Variants in PHF3 observed in about 807,000 individuals in gnomAD.
The protein encoded by PHF3 is PHD finger protein 3.
In PHF3, 41 loss-of-function variants were observed where a neutral mutation model predicts 178.4. The ratio of observed to expected loss-of-function variants is 0.23; its 90% CI spans 0.18 to 0.30. PHF3 has a LOEUF of 0.30. Ranked by LOEUF, PHF3 falls within the 10% of genes least tolerant of loss-of-function variation. The probability of loss-of-function intolerance (pLI) is 1.00; values close to 1 mark genes in which losing one functional copy is unlikely to be tolerated. For missense variants in PHF3, 2,346 were observed against 2,398.1 expected (o/e 0.98, Z 0.45); for synonymous variants, 842 against 800.5 (o/e 1.05, Z -0.88).
rs558313914 is a variant in PHF3 at position 63,713,901 on chromosome 6, C to T, written c.*193C>T. The T allele has an allele frequency of 1.6e-5, 7 of 429,782 alleles. No individual in the cohort carries two copies. Among genetic ancestry groups the T allele is most frequent in the South Asian group, 8.4e-5 (1 of 11,862 alleles). 26.6% of individuals were successfully genotyped at this position (429,782 alleles called of 1,614,324 possible). ...GCTCATCATCCCTTCTTCATACCAA[C>T]GGTCCCTAGTTATAGGAATTTAATA... On this transcript the variant is annotated 3_prime_UTR_variant, in exon 16 of 16. Coordinates refer to ENST00000262043, the MANE Select transcript of PHF3 (RefSeq NM_001370348.2).
Position 63,725,144 on chromosome 6 carries a change from A to G in PHF3, c.*11436A>G, listed in dbSNP as rs1768562376. Among the ~76,000 whole-genome samples, 1 of 152,142 alleles carries G rather than the reference A, an allele frequency of 6.6e-6. No individual in the cohort carries two copies. Among genetic ancestry groups the G allele is most frequent in the Admixed American group, 6.5e-5 (1 of 15,278 alleles). On this transcript the variant is annotated 3_prime_UTR_variant, in exon 16 of 16. Transcript: ENST00000262043. ...AAAAATTTTCATGATTTTCTTATATAAGTGTCAAATGCAGCATCAATCGTG... is the reference window on the plus strand; with the variant it reads ...AAAAATTTTCATGATTTTCTTATATGAGTGTCAAATGCAGCATCAATCGTG...
chr6:63,688,471 G>A (rs1766848054), intron 4 of PHF3, among the ~76,000 whole-genome samples: 1 of 149,350 alleles, frequency 6.7e-6, no homozygotes, highest in African/African-American at 2.5e-5. Flanking sequence ...AAGTAGCTGG[G>A]ATTACGGGCA....
chr6:63,723,485 A>G lies in PHF3; in HGVS notation c.*9777A>G, dbSNP rs917279908. On this transcript the variant is annotated 3_prime_UTR_variant, in exon 16 of 16. Coordinates refer to ENST00000262043, the MANE Select transcript of PHF3 (RefSeq NM_001370348.2). Reference sequence around the variant, plus strand: ...TTGTGTTGTAGAGTGTTCCTGTAGTAAACAATTTTATAGTGAAGAGCTACA... The same window carrying G: ...TTGTGTTGTAGAGTGTTCCTGTAGTGAACAATTTTATAGTGAAGAGCTACA... Among the ~76,000 whole-genome samples the G allele has an allele frequency of 3.9e-5, 6 of 152,260 alleles. No homozygotes were observed. The South Asian group carries it at 6.2e-4, about 16-fold the overall frequency.
At chr6:63,695,344 G>A (rs982677688) in intron 6 of PHF3, among the ~76,000 whole-genome samples, 3 of 152,102 alleles carry the variant, frequency 2.0e-5, no homozygotes, top group Non-Finnish European at 4.4e-5. Flanking sequence ...ATTATTGCTC[G>A]TACCCTATTT....
Position 63,685,679 on chromosome 6 carries a change from G to A in PHF3, c.1957G>A (p.Glu653Lys), listed in dbSNP as rs1561965866. Residue 653 changes from glutamate to lysine, a missense_variant, in exon 4 of 16, where the codon GAG becomes AAG. Physicochemically the swap from Glu to Lys is moderately conservative, Grantham distance 56 (BLOSUM62 1). This residue lies in a region of PHF3 where 843 missense variants were observed against 795.2 expected (regional missense o/e 1.06). Coordinates refer to ENST00000262043, the MANE Select transcript of PHF3 (RefSeq NM_001370348.2). ...GGAAGAGCTTGAACACCCAGGCGTT[G>A]AGCATTTTAAGGAAGAGGATAAACT... ...VKEELEHPGV[E>K]HFKEEDKLKL... is the part of the protein sequence containing the mutation. The A allele has an allele frequency of 6.2e-7, 1 of 1,614,078 alleles. No individual in the cohort carries two copies.
chr6:63,650,827 A>C (rs1272656289), intron 2 of PHF3, among the ~76,000 whole-genome samples: 1 of 152,154 alleles, frequency 6.6e-6, no homozygotes, highest in Non-Finnish European at 1.5e-5. Context: ...ACAGCATTTC[A>C]ATCAGACAGT....
At chr6:63,646,168 G>A (rs1303855194) in intron 1 of PHF3, among the ~76,000 whole-genome samples, 1 of 152,060 alleles carries the variant, frequency 6.6e-6, no homozygotes, top group Non-Finnish European at 1.5e-5. Context: ...TTGTGAAAAG[G>A]TTGTGGTTAA....
Position 63,716,921 on chromosome 6 carries a change from C to A in PHF3, c.*3213C>A, listed in dbSNP as rs1768207354. On this transcript the variant is annotated 3_prime_UTR_variant, in exon 16 of 16. Transcript: ENST00000262043. ...TGAGCAACTTAAATTCCATCTGTGA[C>A]CTTAATTCCCTATTCCCATGTAACC... is the stretch of plus-strand genomic sequence containing the variant. Among the ~76,000 whole-genome samples the A allele has an allele frequency of 6.6e-6, 1 of 151,994 alleles. No individual in the cohort carries two copies. Among genetic ancestry groups the A allele is most frequent in the Non-Finnish European group, 1.5e-5 (1 of 67,966 alleles).
rs1278579318 is a variant in PHF3 at position 63,685,640 on chromosome 6, A to G, written c.1918A>G (p.Asn640Asp). 1.2e-6 allele frequency: 2 copies of G among 1,614,012 alleles called. No homozygotes were observed. Among genetic ancestry groups the G allele is most frequent in the Admixed American group, 1.7e-5 (1 of 59,996 alleles). Residue 640 changes from asparagine to aspartate, a missense_variant, in exon 4 of 16, where the codon AAT becomes GAT. Asn to Asp is a conservative substitution (Grantham distance 23, BLOSUM62 1). Coordinates refer to ENST00000262043, the MANE Select transcript of PHF3 (RefSeq NM_001370348.2). ...GCAACAGGCCCCAGCAATGAAAACC[A>G]ATAGTCACGTGAAGGAAGAGCTTGA... is the stretch of plus-strand genomic sequence containing the variant. Reference protein sequence around the residue: ...PQQQAPAMKTNSHVKEELEHP... With the variant: ...PQQQAPAMKTDSHVKEELEHP...
intron 1 of PHF3, among the ~76,000 whole-genome samples, chr6:63,641,923 C>T (rs1205073581): frequency 1.3e-5 from 2 of 152,036 alleles, no homozygotes; most frequent in African/African-American, 2.4e-5. Context: ...CCATGGCGCC[C>T]GGCCTAAAGT....
chr6:63,721,739 G>T lies in PHF3; in HGVS notation c.*8031G>T. On this transcript the variant is annotated 3_prime_UTR_variant, in exon 16 of 16. Coordinates refer to ENST00000262043, the MANE Select transcript of PHF3 (RefSeq NM_001370348.2). ...GAGTTTCTAGAATGATAGTTCTGTC[G>T]CCAAGGTTGTAGCGAAGTTGAACGG... 6.4e-7 allele frequency: 1 copy of T among 1,550,604 alleles called. No individual in the cohort carries two copies. Among genetic ancestry groups the T allele is most frequent in the Non-Finnish European group, 8.7e-7 (1 of 1,146,098 alleles).
chr6:63,648,976 G>A (rs1311851107), intron 2 of PHF3, among the ~76,000 whole-genome samples: 1 of 151,734 alleles, frequency 6.6e-6, no homozygotes, highest in Non-Finnish European at 1.5e-5. Context: ...GGATATTTGG[G>A]TCAGTAAAAG....
intron 8 of PHF3, among the ~76,000 whole-genome samples, chr6:63,700,046 T>A (rs529621304): frequency 2.6e-5 from 4 of 152,180 alleles, no homozygotes; most frequent in Non-Finnish European, 5.9e-5. Context: ...TACTATAGAT[T>A]GCTTATTGTT....
intron 2 of PHF3, among the ~76,000 whole-genome samples, chr6:63,660,393 A>T (rs1765415628): frequency 6.6e-6 from 1 of 151,940 alleles, no homozygotes; most frequent in Admixed American, 6.6e-5. Context: ...CAGTTGAAGA[A>T]ATTGTGGTTT....
intron 2 of PHF3, among the ~76,000 whole-genome samples, chr6:63,655,845 G>T (rs1373251058): frequency 2.0e-5 from 3 of 152,022 alleles, no homozygotes; most frequent in Admixed American, 6.6e-5. Flanking sequence ...GTTTTGCTAT[G>T]TTGCCCAGGC....
intron 2 of PHF3, among the ~76,000 whole-genome samples, chr6:63,657,550 A>T (rs1021917440): frequency 3.3e-5 from 5 of 152,194 alleles, no homozygotes; most frequent in Non-Finnish European, 7.3e-5. Context: ...TATGTATTTA[A>T]TATTCATTAA....
At chr6:63,639,231 G>T (rs1764474502) in intron 1 of PHF3, among the ~76,000 whole-genome samples, 1 of 152,080 alleles carries the variant, frequency 6.6e-6, no homozygotes, top group Non-Finnish European at 1.5e-5. Context: ...TAACCTGTTG[G>T]CATAATCTAA....
In PHF3 at chr6:63,715,149, A is replaced by G. The variant is rs1366763105; in HGVS notation, c.*1441A>G. 6.6e-6 allele frequency: 1 copy of G among 152,080 alleles called. No homozygotes were observed. Among genetic ancestry groups the G allele is most frequent in the Non-Finnish European group, 1.5e-5 (1 of 67,980 alleles). 9.4% of individuals were successfully genotyped at this position (152,080 alleles called of 1,614,324 possible). On this transcript the variant is annotated 3_prime_UTR_variant, in exon 16 of 16. Transcript: ENST00000262043. ...GTTTTGAAACAGAATTATCCTTGTT[A>G]TTTTTGCTGGAGAGAAGGGAGGAAA...
chr6:63,642,713 C>T (rs1176279683), intron 1 of PHF3, among the ~76,000 whole-genome samples: 1 of 151,964 alleles, frequency 6.6e-6, no homozygotes, highest in Non-Finnish European at 1.5e-5. Flanking sequence ...AGATGGGCTT[C>T]CTATGTTTTA....
Sources: allele counts gnomAD v4.1 joint callset (sites outside exome capture counted in the v4.1 genomes callset), GRCh38; gene constraint gnomAD v4.1.1; regional missense constraint gnomAD v4.1.1; transcripts MANE v1.5; gene names NCBI Gene and HGNC (gene_info 2026-07-23, HGNC 2026-07-21).